Variants in CCDC93 observed in about 807,000 individuals in gnomAD.
CCDC93 encodes CCC complex scaffolding subunit CCDC93.
CCDC93 carries 61 observed loss-of-function variants against 108.2 expected under a neutral mutation model. The observed-to-expected ratio is 0.56, with a 90% CI of 0.46 to 0.70. The LOEUF (loss-of-function observed/expected upper bound fraction) is 0.70. Among genes scored for constraint, CCDC93 ranks in the 30% least tolerant of loss-of-function variants. The pLI, the probability that CCDC93 is intolerant of heterozygous loss-of-function variation, is 0.00. For synonymous variants in CCDC93, 276 were observed against 260.4 expected (o/e 1.06, Z -0.58); for missense variants, 685 against 764.2 (o/e 0.90, Z 1.22).
At chr2:117,941,063 C>T (rs935711841) in intron 19 of CCDC93, 126 bp downstream of exon 19, 4 of 671,828 alleles carry the variant, frequency 6.0e-6, no homozygotes, top group African/African-American at 1.8e-5. Flanking sequence ...GCTGATGAAA[C>T]GGAGCTTTCC....
At chr2:117,946,085 G>A (rs1678863725) in intron 16 of CCDC93, among the ~76,000 whole-genome samples, 1 of 152,170 alleles carries the variant, frequency 6.6e-6, no homozygotes, top group African/African-American at 2.4e-5. Flanking sequence ...CAACCACTCA[G>A]GAGAGTGATA....
At chr2:117,928,598 A>T in intron 23 of CCDC93, among the ~76,000 whole-genome samples, 1 of 152,242 alleles carries the variant, frequency 6.6e-6, no homozygotes, top group Non-Finnish European at 1.5e-5. Flanking sequence ...ATCATTAAAA[A>T]GTCAGGAAAT....
chr2:117,944,075 G>A lies in CCDC93; in HGVS notation c.1362C>T (p.Asp454=). The A allele has an allele frequency of 6.3e-7, 1 of 1,598,916 alleles. No individual in the cohort carries two copies. Among genetic ancestry groups the A allele is most frequent in the East Asian group, 2.2e-5 (1 of 44,502 alleles). Residue 454 remains aspartate (D), a synonymous_variant, in exon 18 of 24, where the codon GAC becomes GAT. Coordinates refer to ENST00000376300, the MANE Select transcript of CCDC93 (RefSeq NM_019044.5). ...TSAMTHDEDL[D]RRYNMEKEKL... ...TCTCTTTCTCCATATTATACCGTCT[G>A]TCTAGGTCTTCCTAAAAATTGGAAA...
chr2:117,972,441 C>A (rs192938173), intron 11 of CCDC93, among the ~76,000 whole-genome samples: 1 of 152,184 alleles, frequency 6.6e-6, no homozygotes, highest in Non-Finnish European at 1.5e-5. Flanking sequence ...TGCAGAATAA[C>A]TGGGGAAGTC....
intron 12 of CCDC93, among the ~76,000 whole-genome samples, chr2:117,953,928 C>T (rs1435776843): frequency 6.6e-6 from 1 of 152,032 alleles, no homozygotes; most frequent in Non-Finnish European, 1.5e-5. Context: ...TGAGTGGGCT[C>T]CCTTGCCTCC....
At chr2:117,983,793 A>C in intron 7 of CCDC93, among the ~76,000 whole-genome samples, 1 of 152,092 alleles carries the variant, frequency 6.6e-6, no homozygotes, top group South Asian at 2.1e-4. Flanking sequence ...GGGAGGTGGA[A>C]TAGAACACAC....
intron 12 of CCDC93, 47 bp from the exon 13 acceptor site, chr2:117,952,482 A>G (rs1056095780): frequency 7.7e-7 from 1 of 1,291,592 alleles, no homozygotes; most frequent in Non-Finnish European, 1.1e-6. Flanking sequence ...GATCCTTATG[A>G]CAACACAGAT....
At chr2:117,963,938 G>A (rs1457657798) in intron 11 of CCDC93, among the ~76,000 whole-genome samples, 1 of 152,168 alleles carries the variant, frequency 6.6e-6, no homozygotes, top group Non-Finnish European at 1.5e-5. Context: ...TGTGCTGTGT[G>A]GCTTGAGATC....
chr2:117,925,323 T>G (rs1186668930), intron 23 of CCDC93, among the ~76,000 whole-genome samples: 2 of 152,266 alleles, frequency 1.3e-5, no homozygotes, highest in East Asian at 3.9e-4. Context: ...AGACACAGAC[T>G]GGCAAACTGG....
At chr2:118,005,760 A>AG (rs1414489258) in intron 3 of CCDC93, among the ~76,000 whole-genome samples, 2 of 151,706 alleles carry the variant, frequency 1.3e-5, no homozygotes, top group Non-Finnish European at 2.9e-5. Context: ...CTCAAAAAAA[A>AG]AAAAAAAGCT....
chr2:117,975,284 C>T lies in CCDC93; in HGVS notation c.658-4G>A. ...GTGCCGTTTTCTTGTCCTCAGCCTG[C>T]AAGGGAAGATGTGAAAACAGCTGAG... On this transcript the variant is annotated splice_polypyrimidine_tract_variant and splice_region_variant and intron_variant, in intron 8 of 23. Coordinates refer to ENST00000376300, the MANE Select transcript of CCDC93 (RefSeq NM_019044.5). 1 of 1,609,968 alleles carries T rather than the reference C, an allele frequency of 6.2e-7. No homozygotes were observed. Among genetic ancestry groups the T allele is most frequent in the Non-Finnish European group, 8.5e-7 (1 of 1,177,990 alleles).
chr2:117,975,410 T>C, intron 8 of CCDC93, 130 bp from the exon 9 acceptor site: 1 of 668,234 alleles, frequency 1.5e-6, no homozygotes, highest in Non-Finnish European at 2.6e-6. Context: ...CCTGAGAGAG[T>C]GGATACTCCA....
At chr2:117,936,554 G>T in intron 21 of CCDC93, 148 bp downstream of exon 21, 1 of 718,198 alleles carries the variant, frequency 1.4e-6, no homozygotes. Flanking sequence ...AAGATACTTA[G>T]CAGAAGGGCT....
At chr2:117,969,673 A>G (rs1679698219) in intron 11 of CCDC93, among the ~76,000 whole-genome samples, 1 of 152,216 alleles carries the variant, frequency 6.6e-6, no homozygotes, top group East Asian at 1.9e-4. Flanking sequence ...AAGAACACCA[A>G]TACCAGACAA....
At chr2:117,958,175 T>C (rs1456320725) in intron 12 of CCDC93, among the ~76,000 whole-genome samples, 190 bp downstream of exon 12, 1 of 152,232 alleles carries the variant, frequency 6.6e-6, no homozygotes, top group Non-Finnish European at 1.5e-5. Context: ...TCTGCCACTG[T>C]AGCCTGAAAG....
chr2:117,925,994 T>G (rs980578129), intron 23 of CCDC93, among the ~76,000 whole-genome samples: 1 of 152,122 alleles, frequency 6.6e-6, no homozygotes, highest in Non-Finnish European at 1.5e-5. Context: ...ACATGGAAAC[T>G]GAACAACCTG....
chr2:117,979,337 C>G (rs748803564), intron 7 of CCDC93, among the ~76,000 whole-genome samples: 2 of 152,106 alleles, frequency 1.3e-5, no homozygotes, highest in Non-Finnish European at 1.5e-5. Context: ...AAGCTGTTCC[C>G]CTCTCGCCCC....
intron 6 of CCDC93, among the ~76,000 whole-genome samples, chr2:117,987,519 C>T (rs906344220): frequency 6.6e-6 from 1 of 152,214 alleles, no homozygotes; most frequent in Non-Finnish European, 1.5e-5. Context: ...TTTAAAGCAA[C>T]AGGGTCAAGA....
intron 23 of CCDC93, among the ~76,000 whole-genome samples, chr2:117,924,312 C>A (rs1677997992): frequency 6.6e-6 from 1 of 152,160 alleles, no homozygotes; most frequent in African/African-American, 2.4e-5. Flanking sequence ...AAGAACGCTT[C>A]AGACGATCAA....
Sources: gnomAD v4.1 joint callset for allele counts (sites outside exome capture counted in the v4.1 genomes callset) on GRCh38, gnomAD v4.1.1 for gene constraint, MANE v1.5 for transcripts, NCBI Gene and HGNC (gene_info 2026-07-23, HGNC 2026-07-21) for gene names.